ZMYND8: variants seen among roughly 807,000 people sequenced by gnomAD.
The protein encoded by ZMYND8 is zinc finger MYND-type containing 8.
In ZMYND8, 37 loss-of-function variants were observed where a neutral mutation model predicts 140.8. The observed-to-expected ratio is 0.26, with a 90% CI of 0.20 to 0.35. ZMYND8 has a LOEUF of 0.35. Ranked by LOEUF, ZMYND8 falls within the 10% of genes least tolerant of loss-of-function variation. ZMYND8 has a pLI of 1.00. For missense variants in ZMYND8, 1,068 were observed against 1,570.0 expected (o/e 0.68, Z 5.40); for synonymous variants, 592 against 597.1 (o/e 0.99, Z 0.12).
intron 2 of ZMYND8, among the ~76,000 whole-genome samples, chr20:47,345,168 C>A (rs1263078617): frequency 6.6e-6 from 1 of 152,040 alleles, no homozygotes; most frequent in Non-Finnish European, 1.5e-5. Context: ...ATATTTAAAA[C>A]AGAAAATAAT....
chr20:47,325,366 T>C (rs1057462672), intron 2 of ZMYND8, among the ~76,000 whole-genome samples: 4 of 152,168 alleles, frequency 2.6e-5, no homozygotes, highest in Admixed American at 2.0e-4. Flanking sequence ...CCAAAGTACA[T>C]ATCAGACCGA....
chr20:47,229,957 G>A (rs570865262), intron 16 of ZMYND8, 151 bp from the exon 17 acceptor site: 1 of 642,228 alleles, frequency 1.6e-6, no homozygotes, highest in East Asian at 2.9e-5. Flanking sequence ...TGGTTGCCAT[G>A]ACAGGTGCAG....
intron 20 of ZMYND8, among the ~76,000 whole-genome samples, chr20:47,220,915 T>C (rs1051060028): frequency 6.6e-6 from 1 of 152,144 alleles, no homozygotes; most frequent in Admixed American, 6.5e-5. Flanking sequence ...ACTAGCCACA[T>C]GTGGCTACTG....
At chr20:47,229,478 C>T (rs1170542847) in intron 17 of ZMYND8, among the ~76,000 whole-genome samples, 2 of 152,162 alleles carry the variant, frequency 1.3e-5, no homozygotes, top group Non-Finnish European at 2.9e-5. Context: ...AGTAGGTTAA[C>T]TGAAGCTCTG....
intron 17 of ZMYND8, 143 bp downstream of exon 17, chr20:47,229,583 C>T (rs1341179858): frequency 7.1e-6 from 5 of 707,320 alleles, no homozygotes; most frequent in South Asian, 5.3e-5. Context: ...ATACCCCCAT[C>T]GATAATGACA....
chr20:47,246,848 G>A (rs1568981394), intron 13 of ZMYND8, among the ~76,000 whole-genome samples: 1 of 152,084 alleles, frequency 6.6e-6, no homozygotes, highest in Non-Finnish European at 1.5e-5. Flanking sequence ...GGGCTGGAAG[G>A]GAACAGCAGG....
chr20:47,272,717 T>G (rs1445138775), intron 11 of ZMYND8, among the ~76,000 whole-genome samples: 1 of 152,236 alleles, frequency 6.6e-6, no homozygotes, highest in Non-Finnish European at 1.5e-5. Flanking sequence ...CTCTGAGTTC[T>G]CCAATCTTCT....
intron 15 of ZMYND8, 32 bp downstream of exon 15, chr20:47,238,726 C>A (rs778693179): frequency 2.5e-6 from 4 of 1,584,860 alleles, no homozygotes; most frequent in Non-Finnish European, 2.6e-6. Flanking sequence ...TGGGAGCGGG[C>A]GCCACGGAGA....
intron 16 of ZMYND8, among the ~76,000 whole-genome samples, chr20:47,233,142 G>A (rs1030229341): frequency 6.6e-6 from 1 of 151,244 alleles, no homozygotes; most frequent in Non-Finnish European, 1.5e-5. Context: ...CCTGACCTCA[G>A]GCAATCCACC....
chr20:47,251,019 C>CT (rs922263446), intron 12 of ZMYND8, among the ~76,000 whole-genome samples: 145 of 138,588 alleles, frequency 1.0e-3, no homozygotes, highest in Middle Eastern at 3.7e-3. Context: ...CAGAGCAAGA[C>CT]TTTTTTTTTT....
At chr20:47,233,683 T>C (rs529142522) in intron 16 of ZMYND8, among the ~76,000 whole-genome samples, 1 of 152,352 alleles carries the variant, frequency 6.6e-6, no homozygotes, top group East Asian at 1.9e-4. Context: ...ATTCACTAGC[T>C]TGTGACCCTA....
At chr20:47,312,600 A>C (rs566069088) in intron 2 of ZMYND8, among the ~76,000 whole-genome samples, 1 of 152,284 alleles carries the variant, frequency 6.6e-6, no homozygotes, top group East Asian at 1.9e-4. Flanking sequence ...AGCCTAGCCA[A>C]CATGGTGAAA....
At chr20:47,313,843 G>T (rs1314602925) in intron 2 of ZMYND8, among the ~76,000 whole-genome samples, 1 of 151,576 alleles carries the variant, frequency 6.6e-6, no homozygotes, top group Non-Finnish European at 1.5e-5. Flanking sequence ...TGAGGCAGGA[G>T]AATCGATTGA....
At chr20:47,219,407 T>G (rs2036610198) in intron 21 of ZMYND8, among the ~76,000 whole-genome samples, 1 of 150,890 alleles carries the variant, frequency 6.6e-6, no homozygotes, top group African/African-American at 2.4e-5. Flanking sequence ...GTCCCTGTAG[T>G]CCCAGCTACT....
intron 21 of ZMYND8, among the ~76,000 whole-genome samples, chr20:47,217,764 T>C (rs1224380455): frequency 6.6e-6 from 1 of 152,218 alleles, no homozygotes; most frequent in African/African-American, 2.4e-5. Context: ...AAGGTGTTCA[T>C]GCTCTTCAGT....
At chr20:47,220,366 G>A (rs2036764496) in intron 20 of ZMYND8, 42 bp from the exon 21 acceptor site, 1 of 1,487,868 alleles carries the variant, frequency 6.7e-7, no homozygotes, top group East Asian at 2.5e-5. Flanking sequence ...AGGCACTGAG[G>A]CTACTGTCGC....
intron 12 of ZMYND8, among the ~76,000 whole-genome samples, chr20:47,259,207 G>A (rs2074978332): frequency 6.6e-6 from 1 of 152,216 alleles, no homozygotes; most frequent in Non-Finnish European, 1.5e-5. Flanking sequence ...TCTTTTCAGG[G>A]TGTGGAGGTG....
intron 8 of ZMYND8, among the ~76,000 whole-genome samples, chr20:47,286,664 A>T (rs2076941899): frequency 6.6e-6 from 1 of 152,280 alleles, no homozygotes; most frequent in African/African-American, 2.4e-5. Flanking sequence ...TCACAATGAG[A>T]TCTAATAAAG....
chr20:47,342,991 A>G (rs1015031018), intron 2 of ZMYND8, among the ~76,000 whole-genome samples: 4 of 152,024 alleles, frequency 2.6e-5, no homozygotes, highest in Non-Finnish European at 5.9e-5. Context: ...AAATAAATAA[A>G]TAGGCCAGCC....
Sources: allele counts gnomAD v4.1 joint callset (sites outside exome capture counted in the v4.1 genomes callset), GRCh38; gene constraint gnomAD v4.1.1; transcripts MANE v1.5; gene names NCBI Gene and HGNC (gene_info 2026-07-23, HGNC 2026-07-21).